The following HECW1 variants were observed in gnomAD, a reference collection of about 807,000 sequenced individuals.
The protein encoded by HECW1 is HECT, C2 and WW domain containing E3 ubiquitin protein ligase 1, also known as E3 ubiquitin-protein ligase HECW1.
A neutral mutation model predicts 182.3 loss-of-function variants in HECW1; 61 were observed. The ratio of observed to expected loss-of-function variants is 0.33; its 90% CI spans 0.27 to 0.41. The LOEUF is 0.41. Among genes scored for constraint, HECW1 ranks in the 10% least tolerant of loss-of-function variants. HECW1 has a pLI of 1.00. For synonymous variants in HECW1, 859 were observed against 832.6 expected (o/e 1.03, Z -0.55); for missense variants, 1,739 against 2,108.9 (o/e 0.82, Z 3.44).
intron 2 of HECW1, among the ~76,000 whole-genome samples, chr7:43,141,883 G>A (rs1788194508): frequency 1.3e-5 from 2 of 152,180 alleles, no homozygotes; most frequent in African/African-American, 4.8e-5. Flanking sequence ...GGGTGTACTG[G>A]CGACTTGGAG....
intron 2 of HECW1, among the ~76,000 whole-genome samples, chr7:43,229,739 G>A (rs1448210040): frequency 6.6e-6 from 1 of 152,170 alleles, no homozygotes; most frequent in South Asian, 2.1e-4. Flanking sequence ...AGAAGTAACA[G>A]TATATTTATG....
chr7:43,526,463 T>C (rs1399955219), intron 24 of HECW1, among the ~76,000 whole-genome samples: 1 of 152,222 alleles, frequency 6.6e-6, no homozygotes, highest in East Asian at 1.9e-4. Context: ...GGAGTGGAAA[T>C]TCTAAACATT....
At chr7:43,216,260 C>T (rs1318655157) in intron 2 of HECW1, among the ~76,000 whole-genome samples, 3 of 151,864 alleles carry the variant, frequency 2.0e-5, no homozygotes, top group African/African-American at 7.3e-5. Context: ...ATTCTTCAGC[C>T]TCAGCCTCCT....
At chr7:43,410,836 C>T (rs1333391859) in intron 8 of HECW1, among the ~76,000 whole-genome samples, 3 of 151,860 alleles carry the variant, frequency 2.0e-5, no homozygotes, top group Non-Finnish European at 2.9e-5. Flanking sequence ...TGTTTGTAGG[C>T]TTATTAAGGA....
intron 10 of HECW1, 114 bp downstream of exon 10, chr7:43,442,743 T>A: frequency 1.3e-6 from 1 of 748,896 alleles, no homozygotes; most frequent in Non-Finnish European, 2.3e-6. Context: ...GTTTTGTGGT[T>A]ATCTTCTCCA....
rs397890047 is a variant in HECW1 at position 43,361,815 on chromosome 7, C to CTT, written c.555+860_555+861dup. Among the ~76,000 whole-genome samples, 683 of 77,932 alleles carry CTT rather than the reference C, an allele frequency of 8.8e-3. 25 individuals are homozygous for CTT. Among genetic ancestry groups the CTT allele is most frequent in the African/African-American group, 0.032 (584 of 18,332 alleles). The allele number at this position is 77,932 out of a possible 152,430, so 51.1% of individuals were successfully genotyped here. ...CTAGTGGAAATAAAAAAGACTCTCTCTTTTTTTTTTTTTTTTTTTTTTTTT... is the reference window on the plus strand; with the variant it reads ...CTAGTGGAAATAAAAAAGACTCTCTCTTTTTTTTTTTTTTTTTTTTTTTTTTT... On this transcript the variant is annotated intron_variant, in intron 6 of 29. Coordinates refer to ENST00000395891, the MANE Select transcript of HECW1 (RefSeq NM_015052.5).
intron 8 of HECW1, among the ~76,000 whole-genome samples, chr7:43,412,464 T>C (rs1355315944): frequency 6.6e-6 from 1 of 151,438 alleles, no homozygotes; most frequent in Non-Finnish European, 1.5e-5. Flanking sequence ...TTTATTTTAA[T>C]TATTATACTT....
chr7:43,459,568 C>T (rs2077512155), intron 13 of HECW1, among the ~76,000 whole-genome samples: 1 of 151,288 alleles, frequency 6.6e-6, no homozygotes, highest in South Asian at 2.1e-4. Context: ...GATGGAGTCT[C>T]ACTCTGTCGC....
intron 12 of HECW1, 93 bp downstream of exon 12, chr7:43,451,022 C>T: frequency 1.2e-6 from 1 of 866,084 alleles, no homozygotes; most frequent in Non-Finnish European, 1.9e-6. Flanking sequence ...TAAAGTCTTT[C>T]CCGACTCCGT....
intron 24 of HECW1, chr7:43,523,029 AT>A (rs1563087213): frequency 2.2e-6 from 1 of 446,588 alleles, no homozygotes; most frequent in Admixed American, 2.4e-5. Context: ...TTGAGATGGA[AT>A]TTCGCTCTTG....
chr7:43,322,165 G>A (rs1002784135), intron 5 of HECW1, among the ~76,000 whole-genome samples: 1 of 152,170 alleles, frequency 6.6e-6, no homozygotes, highest in African/African-American at 2.4e-5. Flanking sequence ...CGCCTCCCGG[G>A]TTCAAGCGAT....
chr7:43,252,643 G>A (rs1156377806), intron 3 of HECW1, among the ~76,000 whole-genome samples: 2 of 152,180 alleles, frequency 1.3e-5, no homozygotes, highest in Non-Finnish European at 2.9e-5. Flanking sequence ...TTGATCATTG[G>A]TTATGAGTTC....
chr7:43,144,109 T>C (rs1788450560), intron 2 of HECW1, among the ~76,000 whole-genome samples: 1 of 152,202 alleles, frequency 6.6e-6, no homozygotes, highest in African/African-American at 2.4e-5. Context: ...TGTAAGAGTT[T>C]CTCGGACGTT....
intron 8 of HECW1, among the ~76,000 whole-genome samples, chr7:43,426,844 C>T (rs2076377524): frequency 6.6e-6 from 1 of 151,736 alleles, no homozygotes; most frequent in African/African-American, 2.4e-5. Context: ...GGAAAATATT[C>T]ATTATATATG....
At chr7:43,488,476 G>GAAAGAAAGAAAGA (rs2078793879) in intron 17 of HECW1, among the ~76,000 whole-genome samples, 1 of 147,506 alleles carries the variant, frequency 6.8e-6, no homozygotes, top group Non-Finnish European at 1.5e-5. Flanking sequence ...AAGAAAGAAA[G>GAAAGAAAGAAAGA]AAAGAAAGAA....
In HECW1 at chr7:43,550,563, C is replaced by A. The variant is rs1375112036; in HGVS notation, c.4367C>A (p.Thr1456Asn). The A allele has an allele frequency of 6.2e-7, 1 of 1,608,926 alleles. No homozygotes were observed. Among genetic ancestry groups the A allele is most frequent in the Admixed American group, 1.7e-5 (1 of 59,172 alleles). ...WRVERGVVQQTEALVRGFYEV... is the reference protein window; with the variant it reads ...WRVERGVVQQNEALVRGFYEV... ...GTGGAGCGCGGCGTGGTACAGCAGA[C>A]CGAGGCGCTGGTGCGCGGCTTCTAC... Residue 1456 changes from threonine to asparagine, a missense_variant, in exon 27 of 30, where the codon ACC becomes AAC. Transcript: ENST00000395891.
At chr7:43,215,082 T>TA (rs957750595) in intron 2 of HECW1, among the ~76,000 whole-genome samples, 4 of 152,298 alleles carry the variant, frequency 2.6e-5, no homozygotes, top group Admixed American at 6.5e-5. Context: ...ATCCTGATTT[T>TA]AAAAAATGTA....
At chr7:43,141,818 A>G (rs2152633538) in intron 2 of HECW1, among the ~76,000 whole-genome samples, 1 of 152,244 alleles carries the variant, frequency 6.6e-6, no homozygotes, top group African/African-American at 2.4e-5. Flanking sequence ...ATTTTAGAAA[A>G]CTAATTTCTC....
intron 2 of HECW1, among the ~76,000 whole-genome samples, chr7:43,145,326 C>T (rs1248980073): frequency 2.0e-5 from 3 of 152,128 alleles, no homozygotes; most frequent in Non-Finnish European, 4.4e-5. Flanking sequence ...GACAGGGTCT[C>T]GCTGTCTTGC....
Sources: allele counts gnomAD v4.1 joint callset (sites outside exome capture counted in the v4.1 genomes callset), GRCh38; gene constraint gnomAD v4.1.1; transcripts MANE v1.5; gene names NCBI Gene and HGNC (gene_info 2026-07-23, HGNC 2026-07-21).